Variants in CLMN observed in about 807,000 individuals in gnomAD.
CLMN encodes calmin.
CLMN carries 57 observed loss-of-function variants against 92.7 expected under a neutral mutation model. That is an observed-to-expected ratio of 0.61 (90% confidence interval 0.50 to 0.77). The LOEUF (loss-of-function observed/expected upper bound fraction) is 0.77. Among genes scored for constraint, CLMN ranks in the 30% least tolerant of loss-of-function variants. The probability of loss-of-function intolerance (pLI) is 0.00; values close to 1 mark genes in which losing one functional copy is unlikely to be tolerated. For missense variants in CLMN, 1,158 were observed against 1,237.5 expected, an observed-to-expected ratio of 0.94 and a Z score of 0.96; for synonymous variants, 466 against 470.6, an observed-to-expected ratio of 0.99 and a Z score of 0.13.
At chr14:95,271,165 A>G (rs569577192) in intron 1 of CLMN, among the ~76,000 whole-genome samples, 1 of 152,320 alleles carries the variant, frequency 6.6e-6, no homozygotes, top group Non-Finnish European at 1.5e-5. Context: ...TTGTTTATCT[A>G]TTACGGAGAT....
chr14:95,250,482 G>A (rs1898738162), intron 1 of CLMN, among the ~76,000 whole-genome samples: 1 of 152,168 alleles, frequency 6.6e-6, no homozygotes, highest in African/African-American at 2.4e-5. Flanking sequence ...CTCTCATGAA[G>A]CCAGAGAAAA....
intron 1 of CLMN, 72 bp from the exon 2 acceptor site, chr14:95,230,205 G>A: frequency 2.9e-6 from 4 of 1,397,630 alleles, no homozygotes; most frequent in Non-Finnish European, 4.1e-6. Flanking sequence ...CCCTTCCCAA[G>A]GGGAGATTCT....
At chr14:95,209,525 T>C (rs538062031) in intron 7 of CLMN, 48 bp from the exon 8 acceptor site, 1 of 1,411,000 alleles carries the variant, frequency 7.1e-7, no homozygotes, top group African/African-American at 1.4e-5. Context: ...ACACACACGC[T>C]TTCAATAGTA....
chr14:95,276,600 TTC>T lies in CLMN; in HGVS notation c.82+43109_82+43110del, dbSNP rs1047836343. On this transcript the variant is annotated intron_variant, in intron 1 of 12. Coordinates refer to ENST00000298912, the MANE Select transcript of CLMN (RefSeq NM_024734.4). Reference sequence around the variant, plus strand: ...CCTCACCCCACCGCAGGCAATACTTTTCTCTTTCTTTCTTTCCTTTCCCTTTC... The same window carrying T: ...CCTCACCCCACCGCAGGCAATACTTTTCTTTCTTTCTTTCCTTTCCCTTTC... 1.4e-4 allele frequency among the ~76,000 whole-genome samples: 22 copies of T among 152,112 alleles called. 1 individual carries two copies. Among genetic ancestry groups the T allele is most frequent in the Non-Finnish European group, 3.1e-4 (21 of 68,026 alleles).
At chr14:95,222,720 T>G (rs1232080398) in intron 3 of CLMN, 3 of 408,046 alleles carry the variant, frequency 7.4e-6, no homozygotes, top group African/African-American at 6.2e-5. Flanking sequence ...CAAATACTGT[T>G]GAGAGTTCAT....
In CLMN at chr14:95,186,524, G is replaced by GAATC. The variant is rs1167227172; in HGVS notation, c.*5036_*5039dup. 1 of 152,222 alleles carries GAATC rather than the reference G, an allele frequency of 6.6e-6. No homozygotes were observed. The highest frequency in any genetic ancestry group is 2.4e-5 in the African/African-American group (1 of 41,450). 9.4% of individuals were successfully genotyped at this position (152,222 alleles called of 1,614,324 possible). A position where few individuals can be genotyped will look rare whatever the true frequency, so the allele number is the denominator to read the frequency against. ...GGCAATGTTGGCCACGTTCAACAGAGAATCCGCGCTGTTTGTTTGCTGGCA... is the reference window on the plus strand; with the variant it reads ...GGCAATGTTGGCCACGTTCAACAGAGAATCAATCCGCGCTGTTTGTTTGCTGGCA... On this transcript the variant is annotated 3_prime_UTR_variant, in exon 13 of 13. Transcript: ENST00000298912.
chr14:95,233,349 A>C (rs1303139561), intron 1 of CLMN, among the ~76,000 whole-genome samples: 3 of 151,338 alleles, frequency 2.0e-5, no homozygotes, highest in Non-Finnish European at 4.4e-5. Context: ...CCATCCATCC[A>C]CCTACCCATC....
chr14:95,290,627 A>T (rs895505565), intron 1 of CLMN, among the ~76,000 whole-genome samples: 1 of 152,234 alleles, frequency 6.6e-6, no homozygotes, highest in African/African-American at 2.4e-5. Flanking sequence ...CTTCAGAAGG[A>T]ACGCAGTATT....
intron 7 of CLMN, among the ~76,000 whole-genome samples, chr14:95,210,282 C>T (rs1214089491): frequency 6.6e-6 from 1 of 151,942 alleles, no homozygotes; most frequent in African/African-American, 2.4e-5. Context: ...GAACTCCTGA[C>T]CTCAGGTGAT....
chr14:95,275,417 G>A (rs1017605692), intron 1 of CLMN, among the ~76,000 whole-genome samples: 8 of 152,088 alleles, frequency 5.3e-5, no homozygotes, highest in Admixed American at 2.0e-4. Flanking sequence ...TAATTATAAT[G>A]CATTAGTATG....
At chr14:95,205,508 T>G (rs1897022176) in intron 8 of CLMN, among the ~76,000 whole-genome samples, 1 of 152,096 alleles carries the variant, frequency 6.6e-6, no homozygotes, top group African/African-American at 2.4e-5. Flanking sequence ...TGAACAGTAC[T>G]GGAAATGGTA....
chr14:95,231,593 G>A (rs1157237279), intron 1 of CLMN, among the ~76,000 whole-genome samples: 2 of 152,146 alleles, frequency 1.3e-5, no homozygotes, highest in Admixed American at 6.5e-5. Flanking sequence ...TGCCAAAAAG[G>A]CTGGAGACCA....
At position 95,260,293 on chromosome 14, in the gene CLMN, T is replaced by C. The variant is rs572664662; in HGVS notation, c.83-30160A>G. Among the ~76,000 whole-genome samples the C allele has an allele frequency of 5.6e-4, 85 of 152,036 alleles. No homozygotes were observed. In the South Asian group the frequency reaches 5.8e-3, roughly 10 times the overall value. On this transcript the variant is annotated intron_variant, in intron 1 of 12. Transcript: ENST00000298912. ...CATCTCTACTAAAAATACAAAAAAA[T>C]TAGCTGGGCGAGGTGGCGGGCGCCT... is the stretch of plus-strand genomic sequence containing the variant.
intron 1 of CLMN, among the ~76,000 whole-genome samples, chr14:95,286,686 A>C (rs555901900): frequency 7.9e-5 from 12 of 152,366 alleles, no homozygotes; most frequent in African/African-American, 2.4e-4. Context: ...TTTTACCCCC[A>C]AAAAATTATA....
intron 8 of CLMN, 126 bp from the exon 9 acceptor site, chr14:95,204,589 A>G (rs1325485622): frequency 2.2e-6 from 2 of 904,140 alleles, no homozygotes; most frequent in African/African-American, 3.4e-5. Flanking sequence ...CCAAAACACA[A>G]ACAAACAAAA....
At chr14:95,245,903 AATGGATGGATGGATGG>A (rs61217941) in intron 1 of CLMN, among the ~76,000 whole-genome samples, 1 of 148,202 alleles carries the variant, frequency 6.7e-6, no homozygotes, top group Non-Finnish European at 1.5e-5. Context: ...CACACGGATG[AATGGATGGATGGATGG>A]ATGGATGGAT....
rs569721865 is a variant in CLMN at position 95,246,329 on chromosome 14, C to A, written c.83-16196G>T. Among the ~76,000 whole-genome samples the A allele has an allele frequency of 1.4e-4, 22 of 152,300 alleles. No individual in the cohort carries two copies. The South Asian group carries it at 3.9e-3, about 27-fold the overall frequency. ...CCAATCCTAAACCTGCTGAACCTGC[C>A]TCTCCCATTCCTTCCTGTGAAAACC... is the stretch of plus-strand genomic sequence containing the variant. On this transcript the variant is annotated intron_variant, in intron 1 of 12. Coordinates refer to ENST00000298912, the MANE Select transcript of CLMN (RefSeq NM_024734.4).
At chr14:95,302,238 T>G (rs1431073522) in intron 1 of CLMN, among the ~76,000 whole-genome samples, 2 of 151,952 alleles carry the variant, frequency 1.3e-5, no homozygotes, top group Non-Finnish European at 2.9e-5. Flanking sequence ...AGGCAGAGGT[T>G]GCAGTGAGCC....
At chr14:95,248,047 T>C (rs577701770) in intron 1 of CLMN, among the ~76,000 whole-genome samples, 1 of 151,846 alleles carries the variant, frequency 6.6e-6, no homozygotes, top group Non-Finnish European at 1.5e-5. Context: ...GGTGCTCTCA[T>C]GGGTTTCTGT....
Sources: allele counts gnomAD v4.1 joint callset (sites outside exome capture counted in the v4.1 genomes callset), GRCh38; gene constraint gnomAD v4.1.1; transcripts MANE v1.5; gene names NCBI Gene and HGNC (gene_info 2026-07-23, HGNC 2026-07-21).